The following HHAT variants were observed in gnomAD, a reference collection of about 807,000 sequenced individuals.
HHAT encodes the protein protein-cysteine N-palmitoyltransferase HHAT.
In HHAT, 47 loss-of-function variants were observed where a neutral mutation model predicts 70.8. The ratio of observed to expected loss-of-function variants is 0.66; its 90% CI spans 0.53 to 0.85. HHAT has a LOEUF of 0.85. Among genes scored for constraint, HHAT ranks in the 40% least tolerant of loss-of-function variants. The pLI, the probability that HHAT is intolerant of heterozygous loss-of-function variation, is 0.00. For synonymous variants in HHAT, 228 were observed against 247.6 expected (o/e 0.92, Z 0.74); for missense variants, 609 against 604.8 (o/e 1.01, Z -0.07).
intron 11 of HHAT, among the ~76,000 whole-genome samples, chr1:210,643,210 T>C (rs1020818660): frequency 6.6e-6 from 1 of 152,222 alleles, no homozygotes; most frequent in African/African-American, 2.4e-5. Context: ...CTTGTTGCTG[T>C]GAATGTAATT....
chr1:210,485,385 C>G (rs1173756605), intron 8 of HHAT, among the ~76,000 whole-genome samples: 1 of 152,148 alleles, frequency 6.6e-6, no homozygotes, highest in Non-Finnish European at 1.5e-5. Flanking sequence ...AAAGCTATAG[C>G]CTTCTTTCTT....
chr1:210,513,457 A>G (rs1022236240), intron 9 of HHAT, among the ~76,000 whole-genome samples: 4 of 152,212 alleles, frequency 2.6e-5, no homozygotes, highest in Non-Finnish European at 5.9e-5. Context: ...GGCTGCTGGG[A>G]AAACTAATTG....
chr1:210,581,959 G>A (rs1042573074), intron 9 of HHAT, among the ~76,000 whole-genome samples: 1 of 152,172 alleles, frequency 6.6e-6, no homozygotes, highest in Non-Finnish European at 1.5e-5. Flanking sequence ...ATCTAGTGCT[G>A]TCTGAATGAA....
intron 10 of HHAT, among the ~76,000 whole-genome samples, chr1:210,598,419 C>T (rs1663507208): frequency 6.6e-6 from 1 of 152,226 alleles, no homozygotes; most frequent in East Asian, 1.9e-4. Context: ...GGAATTAGTC[C>T]TTGTTGCCTG....
chr1:210,431,274 C>T (rs865978456), intron 7 of HHAT, among the ~76,000 whole-genome samples: 2 of 151,698 alleles, frequency 1.3e-5, no homozygotes, highest in African/African-American at 2.4e-5. Flanking sequence ...CTCTAACCTC[C>T]TATGTGTATG....
intron 7 of HHAT, among the ~76,000 whole-genome samples, chr1:210,444,827 C>G (rs951950416): frequency 2.0e-5 from 3 of 152,008 alleles, no homozygotes; most frequent in African/African-American, 4.8e-5. Context: ...ATATAACACA[C>G]AAATGAGGTT....
At chr1:210,449,401 T>C (rs986897653) in intron 7 of HHAT, among the ~76,000 whole-genome samples, 13 of 152,216 alleles carry the variant, frequency 8.5e-5, no homozygotes, top group African/African-American at 2.4e-4. Flanking sequence ...AGTGTGACCC[T>C]TTCTGATCAT....
At chr1:210,354,038 G>A (rs2087336269) in intron 2 of HHAT, among the ~76,000 whole-genome samples, 1 of 152,044 alleles carries the variant, frequency 6.6e-6, no homozygotes, top group Admixed American at 6.6e-5. Flanking sequence ...ATGAACCCAG[G>A]CTGTTCTCAG....
chr1:210,398,360 G>A (rs1357319010), intron 4 of HHAT, among the ~76,000 whole-genome samples: 1 of 152,182 alleles, frequency 6.6e-6, no homozygotes, highest in Non-Finnish European at 1.5e-5. Context: ...TCATGTGAGA[G>A]CGTGTCCTGT....
chr1:210,380,872 C>T (rs933713684), intron 3 of HHAT, among the ~76,000 whole-genome samples: 1 of 151,666 alleles, frequency 6.6e-6, no homozygotes, highest in Admixed American at 6.6e-5. Context: ...TTAGGTACGA[C>T]GATGGAAGGG....
intron 11 of HHAT, among the ~76,000 whole-genome samples, chr1:210,628,623 G>C (rs1213349674): frequency 6.6e-6 from 1 of 152,186 alleles, no homozygotes; most frequent in African/African-American, 2.4e-5. Context: ...TTTCCCTCTA[G>C]ATTGCAATGA....
intron 11 of HHAT, among the ~76,000 whole-genome samples, chr1:210,652,945 A>G (rs1269608555): frequency 1.3e-5 from 2 of 152,210 alleles, no homozygotes; most frequent in African/African-American, 4.8e-5. Context: ...CGGCAGTTCC[A>G]CTTCTAGGAC....
At chr1:210,548,782 G>C (rs556977781) in intron 9 of HHAT, among the ~76,000 whole-genome samples, 1 of 152,178 alleles carries the variant, frequency 6.6e-6, no homozygotes, top group Non-Finnish European at 1.5e-5. Flanking sequence ...GGTAGATCAC[G>C]GCCCCTCAGC....
At chr1:210,473,092 A>T (rs1194450800) in intron 8 of HHAT, among the ~76,000 whole-genome samples, 1 of 152,176 alleles carries the variant, frequency 6.6e-6, no homozygotes, top group East Asian at 1.9e-4. Context: ...AGGGAAGGGG[A>T]TTCTCTACAG....
chr1:210,391,557 C>CA (rs560956329), intron 4 of HHAT, among the ~76,000 whole-genome samples: 2 of 151,666 alleles, frequency 1.3e-5, no homozygotes, highest in African/African-American at 4.8e-5. Context: ...ATAAAAAAGA[C>CA]AAAATCACTC....
intron 11 of HHAT, among the ~76,000 whole-genome samples, chr1:210,653,577 T>C (rs1387469525): frequency 6.6e-6 from 1 of 150,968 alleles, no homozygotes; most frequent in African/African-American, 2.4e-5. Flanking sequence ...TATGTTTCTG[T>C]GTACATACAA....
At chr1:210,609,547 A>G (rs1014488281) in intron 10 of HHAT, among the ~76,000 whole-genome samples, 1 of 151,944 alleles carries the variant, frequency 6.6e-6, no homozygotes, top group African/African-American at 2.4e-5. Context: ...CATGTGCAGG[A>G]TGTGCAGATT....
In HHAT at chr1:210,487,556, A is replaced by G. The variant is rs139344069; in HGVS notation, c.1007+22901A>G. ...GCATGTTTTAATATGTGTTTCTCGTATGACACTGAGAGGTATGGATAATGA... is the reference window on the plus strand; with the variant it reads ...GCATGTTTTAATATGTGTTTCTCGTGTGACACTGAGAGGTATGGATAATGA... On this transcript the variant is annotated intron_variant, in intron 8 of 11. Transcript: ENST00000261458. 1.9e-3 allele frequency among the ~76,000 whole-genome samples: 285 copies of G among 152,312 alleles called. 1 individual carries two copies. The highest frequency in any genetic ancestry group is 6.8e-3 in the Middle Eastern group (2 of 294).
intron 9 of HHAT, among the ~76,000 whole-genome samples, chr1:210,582,574 G>A (rs1659509063): frequency 6.6e-6 from 1 of 152,170 alleles, no homozygotes; most frequent in Non-Finnish European, 1.5e-5. Flanking sequence ...TTACCACATG[G>A]ATTGTTACCA....
Sources: allele counts gnomAD v4.1 joint callset (sites outside exome capture counted in the v4.1 genomes callset), GRCh38; gene constraint gnomAD v4.1.1; transcripts MANE v1.5; gene names NCBI Gene and HGNC (gene_info 2026-07-23, HGNC 2026-07-21).